The following PGM2 variants were observed in gnomAD, a reference collection of about 807,000 sequenced individuals.
The protein encoded by PGM2 is phosphoglucomutase 2.
In PGM2, 57 loss-of-function variants were observed where a neutral mutation model predicts 74.6. That is an observed-to-expected ratio of 0.76 (90% CI 0.62 to 0.95). The LOEUF (loss-of-function observed/expected upper bound fraction) is 0.95. PGM2 is among the 40% of genes least tolerant of loss of function. PGM2 has a pLI of 0.00. For synonymous variants in PGM2, 273 were observed against 260.7 expected (o/e 1.05, Z -0.46); for missense variants, 706 against 741.9 (o/e 0.95, Z 0.56).
intron 8 of PGM2, among the ~76,000 whole-genome samples, chr4:37,846,030 C>A (rs1422867204): frequency 1.3e-5 from 2 of 152,106 alleles, no homozygotes; most frequent in African/African-American, 4.8e-5. Flanking sequence ...TAAGTAATGT[C>A]TCAGTGTCTA....
rs571556915 is a variant in PGM2 at position 37,841,092 on chromosome 4, A to ATGTG, written c.719+834_719+835insGTGT. Among the ~76,000 whole-genome samples, 600 of 111,632 alleles carry ATGTG rather than the reference A, an allele frequency of 5.4e-3. 6 individuals are homozygous for ATGTG. Among genetic ancestry groups the ATGTG allele is most frequent in the Middle Eastern group, 0.019 (4 of 208 alleles). The allele number at this position is 111,632 out of a possible 152,430, so 73.2% of individuals were successfully genotyped here. A position where few individuals can be genotyped will look rare whatever the true frequency, so the allele number is the denominator to read the frequency against. ...CAAGCGTATATATATATATATATAT[A>ATGTG]TATATATATGTGTGTGTGTGTGTTT... is the stretch of plus-strand genomic sequence containing the variant. On this transcript the variant is annotated intron_variant, in intron 6 of 13. Transcript: ENST00000381967.
At position 37,840,111 on chromosome 4, in the gene PGM2, G is replaced by T; in HGVS notation, c.571G>T (p.Gly191Trp). The change falls in exon 6 of 14, where the codon GGG becomes TGG. Residue 191 changes from glycine (G) to tryptophan (W), a missense_variant. Around this residue, in one of 3 missense-constraint regions of PGM2, gnomAD observed 332 missense variants for 334.9 expected, o/e 0.99. Coordinates refer to ENST00000381967, the MANE Select transcript of PGM2 (RefSeq NM_018290.4). ...GAQIISPHDK[G>W]ISQAIEENLE... ...TCAGATCATTTCTCCTCACGATAAA[G>T]GGATTTCTCAAGCTATTGAAGAAAA... The T allele has an allele frequency of 6.2e-7, 1 of 1,613,922 alleles. No homozygotes were observed. Among genetic ancestry groups the T allele is most frequent in the Non-Finnish European group, 8.5e-7 (1 of 1,179,876 alleles).
At chr4:37,842,438 C>A (rs1725755869) in intron 6 of PGM2, among the ~76,000 whole-genome samples, 1 of 151,472 alleles carries the variant, frequency 6.6e-6, no homozygotes, top group Non-Finnish European at 1.5e-5. Flanking sequence ...ATATTTAAAT[C>A]TTTTGTTTCA....
At chr4:37,832,332 T>C (rs1725462446) in intron 2 of PGM2, among the ~76,000 whole-genome samples, 2 of 152,218 alleles carry the variant, frequency 1.3e-5, no homozygotes, top group South Asian at 4.1e-4. Context: ...AACCCAGGTT[T>C]CTACCCAGTC....
chr4:37,846,129 AT>A (rs754249666), intron 8 of PGM2, among the ~76,000 whole-genome samples: 22 of 152,270 alleles, frequency 1.4e-4, no homozygotes, highest in Admixed American at 3.9e-4. Context: ...GAGATGCTGA[AT>A]TTAGTTTGGA....
At chr4:37,843,613 T>A (rs28545631) in intron 6 of PGM2, among the ~76,000 whole-genome samples, 2,828 of 128,914 alleles carry the variant, frequency 0.022, 47 homozygotes, top group East Asian at 0.096. Flanking sequence ...TATTATTATT[T>A]TTTTTTTTTT....
chr4:37,847,117 G>A lies in PGM2; in HGVS notation c.1188+6G>A, dbSNP rs1296687581. The A allele has an allele frequency of 6.2e-7, 1 of 1,610,982 alleles. No homozygotes were observed. ...AGGAAGGTTTTCATTTTGAGGTAGG[G>A]TGTTTCTGGGACTCACTCATTTTCC... On this transcript the variant is annotated splice_donor_region_variant and intron_variant, in intron 9 of 13. Coordinates refer to ENST00000381967, the MANE Select transcript of PGM2 (RefSeq NM_018290.4).
intron 12 of PGM2, among the ~76,000 whole-genome samples, chr4:37,851,982 A>G (rs1372656024): frequency 1.0e-4 from 4 of 39,716 alleles, no homozygotes; most frequent in Non-Finnish European, 3.3e-4. Context: ...TTTTTTTTGG[A>G]GACAGGGTCT....
intron 6 of PGM2, among the ~76,000 whole-genome samples, chr4:37,841,761 C>G (rs1725735776): frequency 6.6e-6 from 1 of 152,208 alleles, no homozygotes; most frequent in Non-Finnish European, 1.5e-5. Context: ...TGAGGCATTT[C>G]TGCTTTTCCA....
At position 37,847,104 on chromosome 4, in the gene PGM2, A is replaced by G. The variant is rs377534332; in HGVS notation, c.1181A>G (p.His394Arg). The G allele has an allele frequency of 5.0e-6, 8 of 1,612,348 alleles. No homozygotes were observed. The highest frequency in any genetic ancestry group is 2.7e-5 in the African/African-American group (2 of 74,842). ...GCCATTGCCTTAAAGGAAGGTTTTC[A>G]TTTTGAGGTAGGGTGTTTCTGGGAC... ...LRAIALKEGF[H>R]FEETLTGFKW... The change falls in exon 9 of 14, where the codon CAT (histidine) becomes CGT (arginine). Residue 394 changes from histidine (H) to arginine (R), a missense_variant. His to Arg is a conservative substitution (Grantham distance 29). Coordinates refer to ENST00000381967, the MANE Select transcript of PGM2 (RefSeq NM_018290.4).
intron 1 of PGM2, among the ~76,000 whole-genome samples, chr4:37,827,451 C>T (rs986628031): frequency 6.6e-6 from 1 of 152,028 alleles, no homozygotes; most frequent in Non-Finnish European, 1.5e-5. Flanking sequence ...CACTCCCTCT[C>T]CTCTCTATAA....
intron 11 of PGM2, among the ~76,000 whole-genome samples, chr4:37,849,137 T>C (rs1409751439): frequency 6.6e-6 from 1 of 151,984 alleles, no homozygotes; most frequent in Non-Finnish European, 1.5e-5. Flanking sequence ...TGTAACAAGT[T>C]AGTAATTACT....
chr4:37,829,847 C>CAT (rs3835059), intron 1 of PGM2, 117 bp from the exon 2 acceptor site: 52,421 of 302,298 alleles, frequency 0.17, 4,017 homozygotes, highest in South Asian at 0.29. Flanking sequence ...GAAAGGTCTA[C>CAT]ATATATATAT....
intron 6 of PGM2, among the ~76,000 whole-genome samples, chr4:37,841,776 A>C (rs996323366): frequency 6.6e-6 from 1 of 152,148 alleles, no homozygotes; most frequent in Non-Finnish European, 1.5e-5. Flanking sequence ...TTTCCACTCC[A>C]GGTAGCTTGG....
At chr4:37,848,931 A>G (rs1277854361) in intron 11 of PGM2, among the ~76,000 whole-genome samples, 9 of 152,084 alleles carry the variant, frequency 5.9e-5, no homozygotes, top group Non-Finnish European at 1.3e-4. Context: ...TTAGCTGGTT[A>G]TGGTGGTGGG....
intron 2 of PGM2, among the ~76,000 whole-genome samples, chr4:37,833,373 T>C (rs1055098396): frequency 1.3e-5 from 2 of 152,152 alleles, no homozygotes; most frequent in African/African-American, 4.8e-5. Context: ...CTGGGCAATA[T>C]GGCAAGATCC....
chr4:37,855,711 A>C lies in PGM2; in HGVS notation c.1706A>C (p.Tyr569Ser). 6.2e-7 allele frequency: 1 copy of C among 1,613,440 alleles called. No homozygotes were observed. The highest frequency in any genetic ancestry group is 1.1e-5 in the South Asian group (1 of 90,902). The stretch of plus-strand genomic sequence containing the variant: ...GGGACAGAGCCCAAAATCAAGTACT[A>C]TGCAGAGCTGTGTGCCCCACCTGGG... ...TSGTEPKIKY[Y>S]AELCAPPGNS... Residue 569 changes from tyrosine (Y) to serine (S), a missense_variant, in exon 13 of 14, where the codon TAT (tyrosine) becomes TCT (serine). By Grantham distance (144) the Tyr-to-Ser change is moderately radical. This residue lies in a region of PGM2 where 359 missense variants were observed against 371.1 expected (regional missense o/e 0.97). Coordinates refer to ENST00000381967, the MANE Select transcript of PGM2 (RefSeq NM_018290.4).
chr4:37,845,687 G>A lies in PGM2; in HGVS notation c.964G>A (p.Asp322Asn), dbSNP rs139227392. 9.3e-6 allele frequency: 15 copies of A among 1,613,390 alleles called. No homozygotes were observed. The highest frequency in any genetic ancestry group is 1.1e-5 in the Non-Finnish European group (13 of 1,179,522). Residue 322 changes from aspartate (D) to asparagine (N), a missense_variant, in exon 8 of 14, where the codon GAC (aspartate) becomes AAC (asparagine). Transcript: ENST00000381967. ...KTKARIVLAN[D>N]PDADRLAVAE... ...CAAGGCCAGAATTGTTTTAGCTAAC[G>A]ACCCGGATGCTGATAGACTTGCTGT...
intron 6 of PGM2, among the ~76,000 whole-genome samples, chr4:37,843,972 T>C (rs925132267): frequency 1.9e-4 from 29 of 152,184 alleles, no homozygotes; most frequent in African/African-American, 5.5e-4. Flanking sequence ...TAAAAGACAT[T>C]TGGGAACCTG....
Sources: allele counts gnomAD v4.1 joint callset (sites outside exome capture counted in the v4.1 genomes callset), GRCh38; gene constraint gnomAD v4.1.1; regional missense constraint gnomAD v4.1.1; transcripts MANE v1.5; gene names NCBI Gene and HGNC (gene_info 2026-07-23, HGNC 2026-07-21).